DYNC1LI1: variants seen among roughly 807,000 people sequenced by gnomAD.
DYNC1LI1 encodes dynein cytoplasmic 1 light intermediate chain 1.
DYNC1LI1 carries 19 observed loss-of-function variants against 63.8 expected under a neutral mutation model. The ratio of observed to expected loss-of-function variants is 0.30; its 90% CI spans 0.21 to 0.44. DYNC1LI1 has a LOEUF of 0.44. Among genes scored for constraint, DYNC1LI1 ranks in the 20% least tolerant of loss-of-function variants. The pLI, the probability that DYNC1LI1 is intolerant of heterozygous loss-of-function variation, is 1.00. For synonymous variants in DYNC1LI1, 225 were observed against 232.3 expected (o/e 0.97, Z 0.28); for missense variants, 565 against 630.2 (o/e 0.90, Z 1.11).
intron 2 of DYNC1LI1, among the ~76,000 whole-genome samples, chr3:32,560,685 G>A (rs1217160563): frequency 1.3e-5 from 2 of 151,576 alleles, no homozygotes; most frequent in Admixed American, 6.6e-5. Flanking sequence ...TTACTCCCAC[G>A]GGCTGTCTAG....
chr3:32,556,180 A>T (rs1039930893), intron 2 of DYNC1LI1, among the ~76,000 whole-genome samples: 1 of 151,652 alleles, frequency 6.6e-6, no homozygotes, highest in Non-Finnish European at 1.5e-5. Flanking sequence ...TCTCTGGAAC[A>T]CTCTTCCCTT....
chr3:32,526,277 T>C lies in DYNC1LI1; in HGVS notation c.*522A>G, dbSNP rs773409350. On this transcript the variant is annotated 3_prime_UTR_variant, in exon 13 of 13. Transcript: ENST00000273130. Reference sequence around the variant, plus strand: ...GACTAGTGTATCAAACGCTATCTGATAGTTTTCTTAGCATATTCCGTGTGT... The same window carrying C: ...GACTAGTGTATCAAACGCTATCTGACAGTTTTCTTAGCATATTCCGTGTGT... 30 of 152,830 alleles carry C rather than the reference T, an allele frequency of 2.0e-4. No homozygotes were observed. Among genetic ancestry groups the C allele is most frequent in the Non-Finnish European group, 5.9e-5 (4 of 68,164 alleles). The allele number at this position is 152,830 out of a possible 1,614,324, so 9.5% of individuals were successfully genotyped here. A position where few individuals can be genotyped will look rare whatever the true frequency, so the allele number is the denominator to read the frequency against.
At chr3:32,565,731 T>G (rs1157552324) in intron 2 of DYNC1LI1, among the ~76,000 whole-genome samples, 2 of 152,118 alleles carry the variant, frequency 1.3e-5, no homozygotes. Context: ...TGCCTCAGCC[T>G]CCTGAGTAGC....
At chr3:32,531,760 A>C in intron 8 of DYNC1LI1, 1 of 152,286 alleles carries the variant, frequency 6.6e-6, no homozygotes, top group South Asian at 2.1e-4. Flanking sequence ...TTATATGCTA[A>C]ATAAAAATTA....
intron 2 of DYNC1LI1, among the ~76,000 whole-genome samples, chr3:32,547,577 CCAAGTGA>C (rs1697973170): frequency 1.3e-5 from 2 of 152,108 alleles, no homozygotes; most frequent in Non-Finnish European, 2.9e-5. Context: ...CAAGGTGAAG[CCAAGTGA>C]TGCAGACAGA....
chr3:32,535,076 A>C (rs1253442614), intron 6 of DYNC1LI1, among the ~76,000 whole-genome samples: 1 of 152,202 alleles, frequency 6.6e-6, no homozygotes, highest in African/African-American at 2.4e-5. Context: ...GTTTTTACAA[A>C]ACCCAGGAAT....
chr3:32,553,170 C>CA (rs1196181775), intron 2 of DYNC1LI1, among the ~76,000 whole-genome samples: 4 of 151,880 alleles, frequency 2.6e-5, no homozygotes, highest in Non-Finnish European at 5.9e-5. Flanking sequence ...CCTCTATCTA[C>CA]AAAAAAATAG....
At chr3:32,558,787 G>C (rs531334600) in intron 2 of DYNC1LI1, among the ~76,000 whole-genome samples, 62 of 151,792 alleles carry the variant, frequency 4.1e-4, no homozygotes, top group African/African-American at 1.3e-3. Flanking sequence ...CAGAGGCTGC[G>C]GTAAGCCAAG....
chr3:32,559,092 T>C (rs1012104328), intron 2 of DYNC1LI1, among the ~76,000 whole-genome samples: 2 of 151,362 alleles, frequency 1.3e-5, no homozygotes, highest in African/African-American at 4.9e-5. Flanking sequence ...GAGTCTATGG[T>C]GCCCAGGCTA....
chr3:32,559,001 G>C (rs199898485), intron 2 of DYNC1LI1, among the ~76,000 whole-genome samples: 3 of 151,434 alleles, frequency 2.0e-5, no homozygotes, highest in Non-Finnish European at 4.4e-5. Flanking sequence ...AGTAAGATCA[G>C]ACCATCTCTA....
At chr3:32,554,196 C>T (rs773844464) in intron 2 of DYNC1LI1, among the ~76,000 whole-genome samples, 1 of 152,206 alleles carries the variant, frequency 6.6e-6, no homozygotes, top group Non-Finnish European at 1.5e-5. Flanking sequence ...TCTTGTGAAT[C>T]TAACTTGAAG....
chr3:32,546,068 C>A, intron 2 of DYNC1LI1, 103 bp from the exon 3 acceptor site: 1 of 714,900 alleles, frequency 1.4e-6, no homozygotes, highest in Non-Finnish European at 2.3e-6. Context: ...TAGCTTCAAC[C>A]AAAAAGGCAA....
chr3:32,547,180 T>C (rs569838257), intron 2 of DYNC1LI1, among the ~76,000 whole-genome samples: 1 of 152,104 alleles, frequency 6.6e-6, no homozygotes, highest in Admixed American at 6.5e-5. Flanking sequence ...GAGGTAGAGG[T>C]TGCAGTGAGC....
chr3:32,534,266 T>A (rs138486802), intron 7 of DYNC1LI1, among the ~76,000 whole-genome samples: 1 of 152,144 alleles, frequency 6.6e-6, no homozygotes, highest in African/African-American at 2.4e-5. Flanking sequence ...TACACTAATA[T>A]AGGCACCCAG....
At chr3:32,554,176 A>G (rs879375542) in intron 2 of DYNC1LI1, among the ~76,000 whole-genome samples, 1 of 152,222 alleles carries the variant, frequency 6.6e-6, no homozygotes, top group Non-Finnish European at 1.5e-5. Context: ...ACAGGTGGAT[A>G]TGTTCCTAGT....
intron 4 of DYNC1LI1, among the ~76,000 whole-genome samples, chr3:32,541,863 G>A (rs1697886388): frequency 6.6e-6 from 1 of 152,182 alleles, no homozygotes. Flanking sequence ...CACAATCAGT[G>A]ATGCACATAC....
rs1575163629 is a variant in DYNC1LI1, at chr3:32,570,827, G to T, written c.-57C>A. 6.4e-7 allele frequency: 1 copy of T among 1,558,096 alleles called. No individual in the cohort carries two copies. Among genetic ancestry groups the T allele is most frequent in the African/African-American group, 1.4e-5 (1 of 72,320 alleles). ...ACTAAATGTGCGAGGCGGCTGAGGC[G>T]GTGGCGGTGGAGGCGGCGGGAACCC... On this transcript the variant is annotated 5_prime_UTR_variant, in exon 1 of 13. Transcript: ENST00000273130.
intron 7 of DYNC1LI1, among the ~76,000 whole-genome samples, chr3:32,533,695 A>T (rs1294452301): frequency 6.6e-6 from 1 of 150,758 alleles, no homozygotes; most frequent in Admixed American, 6.7e-5. Context: ...CCTCCCAAGT[A>T]GCTGAACCAC....
At chr3:32,546,603 T>G (rs1315887798) in intron 2 of DYNC1LI1, among the ~76,000 whole-genome samples, 1 of 152,108 alleles carries the variant, frequency 6.6e-6, no homozygotes, top group Non-Finnish European at 1.5e-5. Flanking sequence ...CTACAAGGAA[T>G]AAAAGACTCT....
Sources: gnomAD v4.1 joint callset for allele counts (sites outside exome capture counted in the v4.1 genomes callset) on GRCh38, gnomAD v4.1.1 for gene constraint, MANE v1.5 for transcripts, NCBI Gene and HGNC (gene_info 2026-07-23, HGNC 2026-07-21) for gene names.